VWA7: variants seen among roughly 807,000 people sequenced by gnomAD.
VWA7 encodes the protein von Willebrand factor A domain containing 7.
Under a neutral mutation model 83.1 loss-of-function variants are expected in VWA7, and 66 were observed. The ratio of observed to expected loss-of-function variants is 0.79; its 90% CI spans 0.65 to 0.98. The LOEUF is 0.98. Among genes scored for constraint, VWA7 ranks in the 50% least tolerant of loss-of-function variants. The probability of loss-of-function intolerance (pLI) is 0.00; values close to 1 mark genes in which losing one functional copy is unlikely to be tolerated. For synonymous variants in VWA7, 424 were observed against 488.5 expected, an observed-to-expected ratio of 0.87 and a Z score of 1.74; for missense variants, 1,080 against 1,160.2, an observed-to-expected ratio of 0.93 and a Z score of 1.00.
chr6:31,773,194 G>A lies in VWA7; in HGVS notation c.917+48C>T, dbSNP rs185333600. On this transcript the variant is annotated intron_variant, in intron 6 of 16. Coordinates refer to ENST00000375688, the MANE Select transcript of VWA7 (RefSeq NM_025258.3). The surrounding 1 kb of genome is among the most constrained non-coding windows in gnomAD (Gnocchi z 5.3). Reference sequence around the variant, plus strand: ...CCCAGCGCCTGGTTTCTCCCTTCCCGCAGGAGCGCCTCCCCATGAAGGGGT... The same window carrying A: ...CCCAGCGCCTGGTTTCTCCCTTCCCACAGGAGCGCCTCCCCATGAAGGGGT... The A allele has an allele frequency of 9.4e-6, 15 of 1,588,846 alleles. No individual in the cohort carries two copies. The Admixed American group carries it at 1.3e-4, about 13-fold the overall frequency.
In VWA7 at chr6:31,766,886, C is replaced by T. The variant is rs1182496772; in HGVS notation, c.1883-122G>A. The T allele has an allele frequency of 1.2e-5, 14 of 1,120,814 alleles. No individual in the cohort carries two copies. The Admixed American group carries it at 3.2e-4, about 25-fold the overall frequency. The allele number at this position is 1,120,814 out of a possible 1,614,324, so 69.4% of individuals were successfully genotyped here. A position where few individuals can be genotyped will look rare whatever the true frequency, so the allele number is the denominator to read the frequency against. Reference sequence around the variant, plus strand: ...TATGGATGGGAAAATAGGTTACCTTCGAGGGGTATTGATGGGGAGCATCAG... The same window carrying T: ...TATGGATGGGAAAATAGGTTACCTTTGAGGGGTATTGATGGGGAGCATCAG... On this transcript the variant is annotated intron_variant, in intron 13 of 16. Coordinates refer to ENST00000375688, the MANE Select transcript of VWA7 (RefSeq NM_025258.3). This position sits in a 1 kb window ranked among gnomAD's most constrained non-coding sequence, Gnocchi z 4.9.
chr6:31,776,662 G>C lies in VWA7; in HGVS notation c.118C>G (p.Pro40Ala), dbSNP rs1341799630. ...AGGTCTTGGTGGGTGATGGAGCCAG[G>C]GGCAGCCAGCAGGCTCCAGATGTTG... ...FPNIWSLLAA[P>A]GSITHQDLTE... Residue 40 changes from proline to alanine, a missense_variant, in exon 2 of 17, where the codon CCT becomes GCT. Pro to Ala is a conservative substitution (Grantham distance 27, BLOSUM62 -1). Transcript: ENST00000375688. This position sits in a 1 kb window ranked among gnomAD's most constrained non-coding sequence, Gnocchi z 6.2. 1.3e-6 allele frequency: 2 copies of C among 1,543,966 alleles called. No homozygotes were observed. Among genetic ancestry groups the C allele is most frequent in the Admixed American group, 4.0e-5 (2 of 49,798 alleles).
At chr6:31,770,265 G>C (rs1257283336) in intron 7 of VWA7, 152 bp from the exon 8 acceptor site, 2 of 658,706 alleles carry the variant, frequency 3.0e-6, no homozygotes, top group Non-Finnish European at 5.1e-6. Flanking sequence ...TACTTGGCCG[G>C]GTGCGGTGGC....
rs1393022818 is a variant in VWA7, at chr6:31,776,722, G to A, written c.58C>T (p.Gln20Ter). ...GCAGATGTGGGGGGCAGCAACAGCTGCAGCAGAAGCAACGCTGAGGGGCCC... is the reference window on the plus strand; with the variant it reads ...GCAGATGTGGGGGGCAGCAACAGCTACAGCAGAAGCAACGCTGAGGGGCCC... ...HPGPSALLLLQLLLPPTSAFF... is the reference protein window; with the variant it reads ...HPGPSALLLL Residue 20 changes from glutamine to a stop codon, truncating the protein, a stop_gained, in exon 2 of 17, where the codon CAG becomes TAG. Transcript: ENST00000375688. LOFTEE classifies it high-confidence loss of function. The surrounding 1 kb of genome is among the most constrained non-coding windows in gnomAD (Gnocchi z 6.2). 8.7e-6 allele frequency: 13 copies of A among 1,487,342 alleles called. No individual in the cohort carries two copies. The highest frequency in any genetic ancestry group is 1.2e-5 in the Non-Finnish European group (13 of 1,113,702). 92.1% of individuals were successfully genotyped at this position (1,487,342 alleles called of 1,614,324 possible). A position where few individuals can be genotyped will look rare whatever the true frequency, so the allele number is the denominator to read the frequency against.
In VWA7 at chr6:31,776,129, G is replaced by A. The variant is rs1812666241; in HGVS notation, c.348C>T (p.Phe116=). Residue 116 remains phenylalanine, a synonymous_variant, in exon 3 of 17, where the codon TTC becomes TTT. Coordinates refer to ENST00000375688, the MANE Select transcript of VWA7 (RefSeq NM_025258.3). The surrounding 1 kb of genome is among the most constrained non-coding windows in gnomAD (Gnocchi z 6.2). ...CGGGGTCATTCCTGGAAGTTGGCAG[G>A]AAGTCCTGGGCTGCATTGGCACGAG... ...EVSRANAAQD[F]LPTSRNDPDL... is the part of the protein sequence containing the mutation. The A allele has an allele frequency of 6.2e-7, 1 of 1,613,960 alleles. No individual in the cohort carries two copies. Among genetic ancestry groups the A allele is most frequent in the Non-Finnish European group, 8.5e-7 (1 of 1,180,034 alleles).
rs138898396 is a variant in VWA7 at position 31,765,770 on chromosome 6, C to T, written c.2500G>A (p.Asp834Asn). 2 of 1,584,990 alleles carry T rather than the reference C, an allele frequency of 1.3e-6. No homozygotes were observed. Among genetic ancestry groups the T allele is most frequent in the Non-Finnish European group, 1.7e-6 (2 of 1,164,438 alleles). ...GAGCCGGTAGGGGTGGTGTGCCGGT[C>T]CTGTGGGGAAAAGGAAGAGAATGAC... ...RLLVSAPAPQ[D>N]RHTTPTGSSD... Residue 834 changes from aspartate (D) to asparagine (N), a missense_variant and splice_region_variant, in exon 17 of 17, where the codon GAC becomes AAC. Asp to Asn is a conservative substitution (Grantham distance 23). Transcript: ENST00000375688.
rs1050454610 is a variant in VWA7, at chr6:31,776,929, C to G, written c.-15-135G>C. Reference sequence around the variant, plus strand: ...CCAGCCTGGCTTCCCCACCCTCTCGCTGTCACCCAGACAACCTGAGGGCCT... The same window carrying G: ...CCAGCCTGGCTTCCCCACCCTCTCGGTGTCACCCAGACAACCTGAGGGCCT... On this transcript the variant is annotated intron_variant, in intron 1 of 16. Transcript: ENST00000375688. The surrounding 1 kb of genome is among the most constrained non-coding windows in gnomAD (Gnocchi z 6.2). 1.0e-5 allele frequency: 5 copies of G among 499,916 alleles called. No individual in the cohort carries two copies. The highest frequency in any genetic ancestry group is 1.7e-5 in the Non-Finnish European group (5 of 291,224). The allele number at this position is 499,916 out of a possible 1,614,324, so 31.0% of individuals were successfully genotyped here. A position where few individuals can be genotyped will look rare whatever the true frequency, so the allele number is the denominator to read the frequency against.
intron 4 of VWA7, among the ~76,000 whole-genome samples, 187 bp from the exon 5 acceptor site, chr6:31,774,813 A>G (rs707928): frequency 0.46 from 70,442 of 151,932 alleles, 18,317 homozygotes; most frequent in African/African-American, 0.71. Context: ...GTTTGAAACT[A>G]GGGCTGTGCT....
Position 31,775,248 on chromosome 6 carries a change from TG to T in VWA7, c.610+84del. On this transcript the variant is annotated intron_variant, in intron 4 of 16. Transcript: ENST00000375688. The surrounding 1 kb of genome is among the most constrained non-coding windows in gnomAD (Gnocchi z 5.9). ...GGAGATTAAGTAACATCATACCCTC[TG>T]GGACTTCAGAATGTGACACAGTGGC... 1 of 1,212,978 alleles carries T rather than the reference TG, an allele frequency of 8.2e-7. No homozygotes were observed. Among genetic ancestry groups the T allele is most frequent in the Non-Finnish European group, 1.2e-6 (1 of 862,334 alleles). The allele number at this position is 1,212,978 out of a possible 1,614,324, so 75.1% of individuals were successfully genotyped here.
Position 31,767,523 on chromosome 6 carries a change from A to G in VWA7, c.1637-9T>C, listed in dbSNP as rs769989787. On this transcript the variant is annotated splice_polypyrimidine_tract_variant and intron_variant, in intron 11 of 16. Coordinates refer to ENST00000375688, the MANE Select transcript of VWA7 (RefSeq NM_025258.3). ...CTGGCCCTGGGAGACCCCTGGGGTC[A>G]GGGAAGAGATTGTCACATGAAGCAC... The G allele has an allele frequency of 1.1e-5, 17 of 1,604,642 alleles. No homozygotes were observed. Among genetic ancestry groups the G allele is most frequent in the South Asian group, 2.2e-5 (2 of 90,922 alleles).
Position 31,777,071 on chromosome 6 carries a change from T to G in VWA7, c.-16+38A>C. 1 of 401,776 alleles carries G rather than the reference T, an allele frequency of 2.5e-6. No individual in the cohort carries two copies. Among genetic ancestry groups the G allele is most frequent in the Non-Finnish European group, 4.4e-6 (1 of 226,490 alleles). 24.9% of individuals were successfully genotyped at this position (401,776 alleles called of 1,614,324 possible). A position where few individuals can be genotyped will look rare whatever the true frequency, so the allele number is the denominator to read the frequency against. ...AGCCCTGCCGCAGAAACACTCCCCA[T>G]GCTCAGGAAGCCTGAGTCCTCTCAG... On this transcript the variant is annotated intron_variant, in intron 1 of 16. Coordinates refer to ENST00000375688, the MANE Select transcript of VWA7 (RefSeq NM_025258.3). This position sits in a 1 kb window ranked among gnomAD's most constrained non-coding sequence, Gnocchi z 5.8.
At position 31,767,635 on chromosome 6, in the gene VWA7, G is replaced by A. The variant is rs200770992; in HGVS notation, c.1623C>T (p.Ile541=). Residue 541 remains isoleucine (I), a synonymous_variant, in exon 11 of 17, where the codon ATC becomes ATT. Coordinates refer to ENST00000375688, the MANE Select transcript of VWA7 (RefSeq NM_025258.3). ...RIHGDISSFW[I]KNPAGVSQGQ... Reference sequence around the variant, plus strand: ...CTTCAGAGGTACCTGCAGGGTTCTTGATCCAGAAGCTGCTGATGTCTCCGT... The same window carrying A: ...CTTCAGAGGTACCTGCAGGGTTCTTAATCCAGAAGCTGCTGATGTCTCCGT... The A allele has an allele frequency of 1.0e-3, 1,668 of 1,612,270 alleles. 14 individuals are homozygous for A. The highest frequency in any genetic ancestry group is 2.1e-3 in the Admixed American group (123 of 59,992).
rs779656849 is a variant in VWA7, at chr6:31,766,735, T to A, written c.1912A>T (p.Thr638Ser). The change falls in exon 14 of 17, where the codon ACA becomes TCA. Residue 638 changes from threonine to serine, a missense_variant. Thr to Ser is a moderately conservative substitution (Grantham distance 58). Transcript: ENST00000375688. This position sits in a 1 kb window ranked among gnomAD's most constrained non-coding sequence, Gnocchi z 4.9. ...GGATTGGCTCTGGAACCCAACCCTG[T>A]CACTTCTACCAGCAGCTGGGTCTGA... ...GLQTQLLVEV[T>S]GLGSRANPGD... 1.2e-6 allele frequency: 2 copies of A among 1,607,684 alleles called. No individual in the cohort carries two copies. Among genetic ancestry groups the A allele is most frequent in the Non-Finnish European group, 1.7e-6 (2 of 1,175,944 alleles).
rs1581603234 is a variant in VWA7, at chr6:31,771,099, A to AT, written c.1088-987dup. Reference sequence around the variant, plus strand: ...CGAATAGCACTTACCTCAGAGGTTTATTGGGAGGACTAAATGAGTTGATTT... The same window carrying AT: ...CGAATAGCACTTACCTCAGAGGTTTATTTGGGAGGACTAAATGAGTTGATTT... On this transcript the variant is annotated intron_variant, in intron 7 of 16. Coordinates refer to ENST00000375688, the MANE Select transcript of VWA7 (RefSeq NM_025258.3). Among the ~76,000 whole-genome samples the AT allele has an allele frequency of 5.3e-5, 8 of 151,746 alleles. No homozygotes were observed. In the South Asian group the frequency reaches 1.0e-3, roughly 20 times the overall value.
chr6:31,767,723 A>C lies in VWA7; in HGVS notation c.1535T>G (p.Val512Gly), dbSNP rs1329492603. The C allele has an allele frequency of 8.7e-6, 14 of 1,612,634 alleles. No homozygotes were observed. Among genetic ancestry groups the C allele is most frequent in the Non-Finnish European group, 1.2e-5 (14 of 1,178,722 alleles). The change falls in exon 11 of 17, where the codon GTG (valine) becomes GGG (glycine). Residue 512 changes from valine (V) to glycine (G), a missense_variant. Val to Gly is a moderately radical substitution (Grantham distance 109, BLOSUM62 -3). Transcript: ENST00000375688. ...VTLPLDPPVV[V>G]PGQPLVFSVD... Reference sequence around the variant, plus strand: ...GCTGAACACAAGTGGCTGCCCAGGCACCACAACAGGAGGGTCCAGGGGAAG... The same window carrying C: ...GCTGAACACAAGTGGCTGCCCAGGCCCCACAACAGGAGGGTCCAGGGGAAG...
chr6:31,773,361 T>C lies in VWA7; in HGVS notation c.798A>G (p.Thr266=). ...PPRGGINKDS[T]SPGFSPHHML... Reference sequence around the variant, plus strand: ...TGTGGTGAGGGGAGAAGCCTGGGGATGTGCTGTCCTTGTTGATGCCTCCCC... The same window carrying C: ...TGTGGTGAGGGGAGAAGCCTGGGGACGTGCTGTCCTTGTTGATGCCTCCCC... Residue 266 remains threonine (T), a synonymous_variant, in exon 6 of 17, where the codon ACA becomes ACG. Coordinates refer to ENST00000375688, the MANE Select transcript of VWA7 (RefSeq NM_025258.3). This position sits in a 1 kb window ranked among gnomAD's most constrained non-coding sequence, Gnocchi z 5.3. The C allele has an allele frequency of 1.9e-6, 3 of 1,607,660 alleles. No individual in the cohort carries two copies. Among genetic ancestry groups the C allele is most frequent in the Non-Finnish European group, 2.5e-6 (3 of 1,177,312 alleles).
rs1024020138 is a variant in VWA7, at chr6:31,768,614, G to A, written c.1503+404C>T. Among the ~76,000 whole-genome samples the A allele has an allele frequency of 7.2e-5, 11 of 152,274 alleles. 1 individual carries two copies. Among genetic ancestry groups the A allele is most frequent in the African/African-American group, 2.2e-4 (9 of 41,558 alleles). On this transcript the variant is annotated intron_variant, in intron 10 of 16. Transcript: ENST00000375688. Reference sequence around the variant, plus strand: ...AGCACTGTGGGAGGCCAAGGTAGGCGGATCACTTGCGGTCAGGAGTACGAA... The same window carrying A: ...AGCACTGTGGGAGGCCAAGGTAGGCAGATCACTTGCGGTCAGGAGTACGAA...
Position 31,776,658 on chromosome 6 carries a change from C to A in VWA7, c.122G>T (p.Gly41Val). 6.5e-7 allele frequency: 1 copy of A among 1,542,648 alleles called. No homozygotes were observed. The highest frequency in any genetic ancestry group is 8.8e-7 in the Non-Finnish European group (1 of 1,142,652). ...PNIWSLLAAP[G>V]SITHQDLTEE... The stretch of plus-strand genomic sequence containing the variant: ...AGTTAGGTCTTGGTGGGTGATGGAG[C>A]CAGGGGCAGCCAGCAGGCTCCAGAT... The change falls in exon 2 of 17, where the codon GGC becomes GTC. Residue 41 changes from glycine (G) to valine (V), a missense_variant. Transcript: ENST00000375688. This position sits in a 1 kb window ranked among gnomAD's most constrained non-coding sequence, Gnocchi z 6.2.
Position 31,773,153 on chromosome 6 carries a change from G to A in VWA7, c.918-30C>T, listed in dbSNP as rs775171455. ...GGAGCAAGCCAGAGACACAGTGAAG[G>A]GCCTGCACGTTTGTCCCCAGCGCCT... On this transcript the variant is annotated intron_variant, in intron 6 of 16. Coordinates refer to ENST00000375688, the MANE Select transcript of VWA7 (RefSeq NM_025258.3). The surrounding 1 kb of genome is among the most constrained non-coding windows in gnomAD (Gnocchi z 5.3). 1.1e-4 allele frequency: 177 copies of A among 1,604,168 alleles called. No homozygotes were observed. In the African/African-American group the frequency reaches 2.0e-3, roughly 18 times the overall value.
Sources: gnomAD v4.1 joint callset for allele counts (sites outside exome capture counted in the v4.1 genomes callset) on GRCh38, gnomAD v4.1.1 for gene constraint, Gnocchi (gnomAD v3.1) non-coding constraint, MANE v1.5 for transcripts, NCBI Gene and HGNC (gene_info 2026-07-23, HGNC 2026-07-21) for gene names.